GNAO1: variants seen among roughly 807,000 people sequenced by gnomAD.
The protein encoded by GNAO1 is guanine nucleotide-binding protein G(o) subunit alpha.
For missense variants in GNAO1, 166 were observed against 478.7 expected (o/e 0.35, Z 6.10); for synonymous variants, 164 against 180.7 (o/e 0.91, Z 0.74).
At chr16:56,295,076 A>G (rs1439757159) in intron 3 of GNAO1, among the ~76,000 whole-genome samples, 1 of 152,154 alleles carries the variant, frequency 6.6e-6, no homozygotes. Flanking sequence ...CTTTACAATT[A>G]GCATTTTTAA....
At chr16:56,340,032 C>A (rs2037784822) in intron 6 of GNAO1, among the ~76,000 whole-genome samples, 1 of 152,250 alleles carries the variant, frequency 6.6e-6, no homozygotes, top group South Asian at 2.1e-4. Context: ...ATGGCCATGG[C>A]CCCTGTGAGC....
At chr16:56,241,714 C>T (rs1230375470) in intron 2 of GNAO1, among the ~76,000 whole-genome samples, 1 of 152,226 alleles carries the variant, frequency 6.6e-6, no homozygotes, top group East Asian at 1.9e-4. Flanking sequence ...AATGGAGTGA[C>T]TCAAGTTTGA....
intron 2 of GNAO1, among the ~76,000 whole-genome samples, chr16:56,195,697 C>T (rs2036226170): frequency 6.6e-6 from 1 of 152,168 alleles, no homozygotes; most frequent in South Asian, 2.1e-4. Flanking sequence ...CTGTGATAAC[C>T]CAGTGATTTC....
intron 1 of GNAO1, 30 bp from the exon 2 acceptor site, chr16:56,192,544 A>G (rs201977449): frequency 2.5e-5 from 36 of 1,455,754 alleles, no homozygotes; most frequent in Non-Finnish European, 3.2e-5. Flanking sequence ...GACACTCACC[A>G]GTTTTTCCCC....
At chr16:56,227,218 G>A (rs990818759) in intron 2 of GNAO1, among the ~76,000 whole-genome samples, 4 of 152,100 alleles carry the variant, frequency 2.6e-5, no homozygotes, top group Non-Finnish European at 5.9e-5. Flanking sequence ...AAGTCTGCGC[G>A]CCCCCGCCAC....
At chr16:56,238,534 C>T (rs765664598) in intron 2 of GNAO1, among the ~76,000 whole-genome samples, 1 of 152,200 alleles carries the variant, frequency 6.6e-6, no homozygotes, top group Non-Finnish European at 1.5e-5. Flanking sequence ...ATAGTGGTGG[C>T]CATCCCACTG....
intron 2 of GNAO1, among the ~76,000 whole-genome samples, chr16:56,219,003 A>G (rs1224605614): frequency 6.6e-6 from 1 of 152,118 alleles, no homozygotes; most frequent in African/African-American, 2.4e-5. Context: ...TTAGGGGAAT[A>G]TGCTCAGTTG....
intron 2 of GNAO1, 55 bp downstream of exon 2, chr16:56,192,671 G>A (rs554486578): frequency 2.9e-4 from 328 of 1,113,930 alleles, no homozygotes; most frequent in Admixed American, 9.1e-4. Context: ...TTTTTAAATC[G>A]TTTTTATTAC....
chr16:56,262,594 C>T (rs1175732313), intron 2 of GNAO1, among the ~76,000 whole-genome samples: 1 of 152,126 alleles, frequency 6.6e-6, no homozygotes, highest in Non-Finnish European at 1.5e-5. Flanking sequence ...GCTCTGCAGC[C>T]GTACTTGCGC....
chr16:56,255,412 T>C (rs2036837522), intron 2 of GNAO1: 1 of 152,200 alleles, frequency 6.6e-6, no homozygotes, highest in Non-Finnish European at 1.5e-5. Flanking sequence ...CTATTTGAGG[T>C]CTTTGGTTAT....
chr16:56,309,741 C>T (rs368939493), intron 3 of GNAO1, among the ~76,000 whole-genome samples: 144 of 152,362 alleles, frequency 9.5e-4, no homozygotes, highest in African/African-American at 3.4e-3. Context: ...GGACCCACTG[C>T]TCCTGTGCGT....
chr16:56,352,354 T>C (rs566151135), intron 7 of GNAO1: 1 of 152,526 alleles, frequency 6.6e-6, no homozygotes, highest in African/African-American at 2.4e-5. Context: ...CTACTGCTAA[T>C]GCCTAAAAGC....
intron 6 of GNAO1, chr16:56,345,066 A>T (rs2241954): frequency 2.0e-6 from 2 of 985,078 alleles, no homozygotes; most frequent in Non-Finnish European, 2.4e-6. Context: ...CCCTGTCCCC[A>T]ACTCTAAAGG....
intron 3 of GNAO1, among the ~76,000 whole-genome samples, chr16:56,290,732 C>T (rs1353898238): frequency 6.6e-6 from 1 of 152,170 alleles, no homozygotes; most frequent in East Asian, 1.9e-4. Flanking sequence ...GGAACCCGGC[C>T]CCTCTCCAGG....
intron 3 of GNAO1, among the ~76,000 whole-genome samples, chr16:56,282,943 GAAGA>G (rs3038864): frequency 0.19 from 29,361 of 151,960 alleles, 3,015 homozygotes; most frequent in East Asian, 0.38. Context: ...AAGAAATTGA[GAAGA>G]AAGACCGGCG....
intron 2 of GNAO1, among the ~76,000 whole-genome samples, chr16:56,198,739 T>G (rs1320577746): frequency 6.6e-6 from 1 of 152,222 alleles, no homozygotes; most frequent in Admixed American, 6.5e-5. Context: ...CTAGTTTTTA[T>G]TCCTTTGATT....
At chr16:56,226,185 C>T (rs568102240) in intron 2 of GNAO1, among the ~76,000 whole-genome samples, 1 of 152,194 alleles carries the variant, frequency 6.6e-6, no homozygotes, top group South Asian at 2.1e-4. Context: ...CATAGCCTTT[C>T]AGTTGGGTGA....
chr16:56,328,755 G>A lies in GNAO1; in HGVS notation c.428G>A (p.Arg143Gln), dbSNP rs777414554. 6 of 1,614,258 alleles carry A rather than the reference G, an allele frequency of 3.7e-6. No homozygotes were observed. The highest frequency in any genetic ancestry group is 3.3e-5 in the South Asian group (3 of 91,082). Residue 143 changes from arginine to glutamine, a missense_variant, in exon 4 of 9, where the codon CGG (arginine) becomes CAG (glutamine). Physicochemically the swap from Arg to Gln is conservative, Grantham distance 43. Coordinates refer to ENST00000262493, the MANE Select transcript of GNAO1 (RefSeq NM_020988.3). ...TCAGGAATCCAAGAGTGCTTCAACC[G>A]GTCCCGGGAGTATCAGCTCAACGAC... The part of the protein sequence containing the change: ...GDSGIQECFN[R>Q]SREYQLNDSA...
chr16:56,292,397 T>C (rs1220049904), intron 3 of GNAO1, among the ~76,000 whole-genome samples: 3 of 152,172 alleles, frequency 2.0e-5, no homozygotes, highest in Non-Finnish European at 4.4e-5. Context: ...GGTCTAGCTT[T>C]ATCACCCAGG....
Sources: gnomAD v4.1 joint callset for allele counts (sites outside exome capture counted in the v4.1 genomes callset) on GRCh38, gnomAD v4.1.1 for gene constraint, MANE v1.5 for transcripts, NCBI Gene and HGNC (gene_info 2026-07-23, HGNC 2026-07-21) for gene names.